TTF2: variants seen among roughly 807,000 people sequenced by gnomAD.
TTF2 encodes the protein RNA polymerase II termination factor.
In TTF2, 108 loss-of-function variants were observed where a neutral mutation model predicts 142.4. The ratio of observed to expected loss-of-function variants is 0.76; its 90% CI spans 0.65 to 0.89. The LOEUF is 0.89. Ranked by LOEUF, TTF2 falls within the 40% of genes least tolerant of loss-of-function variation. The pLI, the probability that TTF2 is intolerant of heterozygous loss-of-function variation, is 0.00. For missense variants in TTF2, 1,327 were observed against 1,379.8 expected, an observed-to-expected ratio of 0.96 and a Z score of 0.61; for synonymous variants, 483 against 506.2, an observed-to-expected ratio of 0.95 and a Z score of 0.61.
At position 117,099,888 on chromosome 1, in the gene TTF2, C is replaced by G; in HGVS notation, c.3344+981C>G. ...AAATATAGTGATTATGATAGTCTTC[C>G]TATGCTCTCTTCTCTGCTCATTCTG... On this transcript the variant is annotated intron_variant, in intron 22 of 22. Transcript: ENST00000369466. The surrounding 1 kb of genome is among the most constrained non-coding windows in gnomAD (Gnocchi z 4.3). 6.6e-6 allele frequency among the ~76,000 whole-genome samples: 1 copy of G among 152,198 alleles called. No homozygotes were observed. Among genetic ancestry groups the G allele is most frequent in the East Asian group, 1.9e-4 (1 of 5,198 alleles).
intron 10 of TTF2, among the ~76,000 whole-genome samples, chr1:117,082,569 A>AT (rs568452612): frequency 6.6e-6 from 1 of 152,182 alleles, no homozygotes; most frequent in Admixed American, 6.5e-5. Flanking sequence ...ATTCAAATTA[A>AT]TTTTTTTAAA....
intron 10 of TTF2, among the ~76,000 whole-genome samples, chr1:117,083,006 G>T (rs1402659595): frequency 2.6e-5 from 4 of 152,094 alleles, no homozygotes; most frequent in Non-Finnish European, 4.4e-5. Flanking sequence ...ACTTTGGGAG[G>T]CTGAGGTGGG....
In TTF2 at chr1:117,075,039, A is replaced by G. The variant is rs1570813520; in HGVS notation, c.455A>G (p.Asp152Gly). Residue 152 changes from aspartate (D) to glycine (G), a missense_variant, in exon 5 of 23, where the codon GAT becomes GGT. By Grantham distance (94) the Asp-to-Gly change is moderately conservative. Coordinates refer to ENST00000369466, the MANE Select transcript of TTF2 (RefSeq NM_003594.4). The surrounding 1 kb of genome is among the most constrained non-coding windows in gnomAD (Gnocchi z 4.5). ...IKGEGEEKKA[D>G]KKQREKGDQL... ...GGTGAAGGTGAGGAAAAGAAGGCTG[A>G]TAAGAAGCAAAGAGAAAAGGGAGAT... is the stretch of plus-strand genomic sequence containing the variant. The G allele has an allele frequency of 6.2e-7, 1 of 1,613,966 alleles. No individual in the cohort carries two copies. Among genetic ancestry groups the G allele is most frequent in the African/African-American group, 1.3e-5 (1 of 74,878 alleles).
chr1:117,092,613 A>G lies in TTF2; in HGVS notation c.2806-118A>G, dbSNP rs1056855781. The G allele has an allele frequency of 3.4e-6, 4 of 1,164,466 alleles. No homozygotes were observed. The highest frequency in any genetic ancestry group is 4.8e-6 in the Non-Finnish European group (4 of 831,938). The allele number at this position is 1,164,466 out of a possible 1,614,324, so 72.1% of individuals were successfully genotyped here. A position where few individuals can be genotyped will look rare whatever the true frequency, so the allele number is the denominator to read the frequency against. On this transcript the variant is annotated intron_variant, in intron 17 of 22. Coordinates refer to ENST00000369466, the MANE Select transcript of TTF2 (RefSeq NM_003594.4). The surrounding 1 kb of genome is among the most constrained non-coding windows in gnomAD (Gnocchi z 4.4). ...ATCAAGGTGTCTTGAGGAGTTACTG[A>G]TGACAAATTACAAGATATTTTGCTC... is the stretch of plus-strand genomic sequence containing the variant.
intron 16 of TTF2, 58 bp from the exon 17 acceptor site, chr1:117,091,759 C>T: frequency 6.3e-7 from 1 of 1,574,862 alleles, no homozygotes; most frequent in Admixed American, 1.8e-5. Context: ...TCCTGGCTCT[C>T]TCCGTATTTC....
intron 18 of TTF2, chr1:117,094,690 C>T (rs1226052514): frequency 4.2e-6 from 2 of 481,400 alleles, no homozygotes; most frequent in East Asian, 6.2e-5. Context: ...ACTCACAGCC[C>T]CTCACACATG....
In TTF2 at chr1:117,099,709, T is replaced by G. The variant is rs1009788983; in HGVS notation, c.3344+802T>G. 6.6e-6 allele frequency among the ~76,000 whole-genome samples: 1 copy of G among 152,208 alleles called. No individual in the cohort carries two copies. Among genetic ancestry groups the G allele is most frequent in the South Asian group, 2.1e-4 (1 of 4,826 alleles). ...ATGGCCCTCTTTTTTGCCTTCCTTT[T>G]CATGACCAGGTTTCCTGAAGAATTA... On this transcript the variant is annotated intron_variant, in intron 22 of 22. Coordinates refer to ENST00000369466, the MANE Select transcript of TTF2 (RefSeq NM_003594.4). The surrounding 1 kb of genome is among the most constrained non-coding windows in gnomAD (Gnocchi z 4.3).
chr1:117,079,819 G>A lies in TTF2; in HGVS notation c.1783+170G>A, dbSNP rs1006855188. ...TGGAAGTGTTAAGCAACTTGCTCAA[G>A]AATACACAGTTTAGGATCAAAGATG... On this transcript the variant is annotated intron_variant, in intron 9 of 22. Coordinates refer to ENST00000369466, the MANE Select transcript of TTF2 (RefSeq NM_003594.4). This position sits in a 1 kb window ranked among gnomAD's most constrained non-coding sequence, Gnocchi z 4.2. Among the ~76,000 whole-genome samples the A allele has an allele frequency of 3.9e-5, 6 of 152,196 alleles. No homozygotes were observed. Among genetic ancestry groups the A allele is most frequent in the Non-Finnish European group, 7.3e-5 (5 of 68,032 alleles).
At position 117,070,687 on chromosome 1, in the gene TTF2, T is replaced by C. The variant is rs1656504796; in HGVS notation, c.219-2974T>C. The stretch of plus-strand genomic sequence containing the variant: ...TGCATTCAAAGCATTTCAGAAATTG[T>C]ATTACATATGTTTAATATAATATCC... On this transcript the variant is annotated intron_variant, in intron 3 of 22. Coordinates refer to ENST00000369466, the MANE Select transcript of TTF2 (RefSeq NM_003594.4). The surrounding 1 kb of genome is among the most constrained non-coding windows in gnomAD (Gnocchi z 4.2). 6.6e-6 allele frequency among the ~76,000 whole-genome samples: 1 copy of C among 152,268 alleles called. No individual in the cohort carries two copies. The highest frequency in any genetic ancestry group is 2.4e-5 in the African/African-American group (1 of 41,474).
rs962638811 is a variant in TTF2, at chr1:117,100,102, C to A, written c.3344+1195C>A. On this transcript the variant is annotated intron_variant, in intron 22 of 22. Transcript: ENST00000369466. This position sits in a 1 kb window ranked among gnomAD's most constrained non-coding sequence, Gnocchi z 4.6. ...TTGAGCATTCAGCCCATAAAACATACCTTTTGAGCACCCACTATGTAGCAA... is the reference window on the plus strand; with the variant it reads ...TTGAGCATTCAGCCCATAAAACATAACTTTTGAGCACCCACTATGTAGCAA... Among the ~76,000 whole-genome samples the A allele has an allele frequency of 1.3e-5, 2 of 152,360 alleles. No homozygotes were observed. The highest frequency in any genetic ancestry group is 4.1e-4 in the South Asian group (2 of 4,828).
chr1:117,094,571 A>AG (rs747812890), intron 18 of TTF2: 11 of 470,630 alleles, frequency 2.3e-5, no homozygotes, highest in Non-Finnish European at 2.6e-5. Flanking sequence ...CCGTCTGGAC[A>AG]GGTCCTTTTC....
intron 9 of TTF2, among the ~76,000 whole-genome samples, chr1:117,081,556 A>G (rs1399922016): frequency 1.3e-5 from 2 of 152,250 alleles, no homozygotes; most frequent in Non-Finnish European, 2.9e-5. Context: ...ATAACATAAC[A>G]TAGGGACTAG....
chr1:117,097,242 T>G lies in TTF2; in HGVS notation c.3187-109T>G. Reference sequence around the variant, plus strand: ...ACAATTTATAACAGCAGAAGGAAATTTGATAGGAACACAGTGCTTATCTGT... The same window carrying G: ...ACAATTTATAACAGCAGAAGGAAATGTGATAGGAACACAGTGCTTATCTGT... On this transcript the variant is annotated intron_variant, in intron 20 of 22. Coordinates refer to ENST00000369466, the MANE Select transcript of TTF2 (RefSeq NM_003594.4). The surrounding 1 kb of genome is among the most constrained non-coding windows in gnomAD (Gnocchi z 4.1). 1.1e-6 allele frequency: 1 copy of G among 910,158 alleles called. No homozygotes were observed. Among genetic ancestry groups the G allele is most frequent in the Middle Eastern group, 2.2e-4 (1 of 4,468 alleles). 56.4% of individuals were successfully genotyped at this position (910,158 alleles called of 1,614,324 possible).
rs201151490 is a variant in TTF2 at position 117,075,881 on chromosome 1, G to T, written c.1275+22G>T. On this transcript the variant is annotated intron_variant, in intron 5 of 22. Coordinates refer to ENST00000369466, the MANE Select transcript of TTF2 (RefSeq NM_003594.4). The surrounding 1 kb of genome is among the most constrained non-coding windows in gnomAD (Gnocchi z 4.5). ...GAAGGTAACTATTGACTCGTGTTTT[G>T]TTTCTGAGGTCAGAGCATTGCTTGT... 2 of 1,581,388 alleles carry T rather than the reference G, an allele frequency of 1.3e-6. No individual in the cohort carries two copies. Among genetic ancestry groups the T allele is most frequent in the East Asian group, 4.5e-5 (2 of 44,754 alleles).
intron 3 of TTF2, among the ~76,000 whole-genome samples, chr1:117,068,028 A>G (rs1656286259): frequency 6.6e-6 from 1 of 152,254 alleles, no homozygotes; most frequent in Non-Finnish European, 1.5e-5. Context: ...CAGGCAGTAA[A>G]GAAAACTGAT....
rs1365018539 is a variant in TTF2 at position 117,090,644 on chromosome 1, C to T, written c.2588+21C>T. On this transcript the variant is annotated intron_variant, in intron 15 of 22. Transcript: ENST00000369466. The surrounding 1 kb of genome is among the most constrained non-coding windows in gnomAD (Gnocchi z 4.8). Reference sequence around the variant, plus strand: ...TCAAGGTGTGTGTATTAAAGAAGCACCTTCTCACACACATTGTTTTATTCC... The same window carrying T: ...TCAAGGTGTGTGTATTAAAGAAGCATCTTCTCACACACATTGTTTTATTCC... 5.1e-6 allele frequency: 8 copies of T among 1,575,868 alleles called. No homozygotes were observed. In the Admixed American group the frequency reaches 1.4e-4, roughly 27 times the overall value.
intron 19 of TTF2, among the ~76,000 whole-genome samples, 198 bp downstream of exon 19, chr1:117,095,565 C>T (rs1479944399): frequency 2.0e-5 from 3 of 151,630 alleles, no homozygotes; most frequent in East Asian, 1.9e-4. Flanking sequence ...TCAGGGTAAG[C>T]GAAGCATCTG....
rs1363183909 is a variant in TTF2 at position 117,105,919 on chromosome 1, A to AG, written c.*4398dup. The AG allele has an allele frequency of 6.6e-6, 1 of 152,154 alleles. No homozygotes were observed. The highest frequency in any genetic ancestry group is 1.5e-5 in the Non-Finnish European group (1 of 68,042). The allele number at this position is 152,154 out of a possible 1,614,324, so 9.4% of individuals were successfully genotyped here. A position where few individuals can be genotyped will look rare whatever the true frequency, so the allele number is the denominator to read the frequency against. On this transcript the variant is annotated 3_prime_UTR_variant, in exon 23 of 23. Coordinates refer to ENST00000369466, the MANE Select transcript of TTF2 (RefSeq NM_003594.4). This position sits in a 1 kb window ranked among gnomAD's most constrained non-coding sequence, Gnocchi z 4.7. ...GTTGCTCAATGAAATGGCTTTTAGC[A>AG]GGGCTCAAAGGTGAAGCCAGATTCT... is the stretch of plus-strand genomic sequence containing the variant.
chr1:117,096,110 C>T, intron 19 of TTF2, 39 bp from the exon 20 acceptor site: 1 of 1,609,352 alleles, frequency 6.2e-7, no homozygotes, highest in Non-Finnish European at 8.5e-7. Context: ...TCTGTTTAAT[C>T]TATGTTAGGG....
Sources: gnomAD v4.1 joint callset for allele counts (sites outside exome capture counted in the v4.1 genomes callset) on GRCh38, gnomAD v4.1.1 for gene constraint, Gnocchi (gnomAD v3.1) non-coding constraint, MANE v1.5 for transcripts, NCBI Gene and HGNC (gene_info 2026-07-23, HGNC 2026-07-21) for gene names.